The following BMP1 variants were observed in gnomAD, a reference collection of about 807,000 sequenced individuals.
The protein encoded by BMP1 is mammalian tolloid protein.
In BMP1, 63 loss-of-function variants were observed where a neutral mutation model predicts 116.8. The observed-to-expected ratio is 0.54, with a 90% CI of 0.44 to 0.67. The LOEUF (loss-of-function observed/expected upper bound fraction) is 0.67. BMP1 is among the 30% of genes least tolerant of loss of function. The pLI is 0.00. For synonymous variants in BMP1, 536 were observed against 533.4 expected (o/e 1.00, Z -0.07); for missense variants, 1,183 against 1,358.9 (o/e 0.87, Z 2.04).
chr8:22,189,433 T>TAC (rs10672713), intron 8 of BMP1, among the ~76,000 whole-genome samples: 11,575 of 140,724 alleles, frequency 0.082, 648 homozygotes, highest in African/African-American at 0.17. Flanking sequence ...TTGATGGAGA[T>TAC]ACACACACAC....
At chr8:22,200,523 CTG>C (rs558139774) in intron 15 of BMP1, among the ~76,000 whole-genome samples, 4 of 152,114 alleles carry the variant, frequency 2.6e-5, no homozygotes, top group Non-Finnish European at 4.4e-5. Flanking sequence ...ATGTGGTTGG[CTG>C]TGTCTGTATC....
chr8:22,177,795 A>G (rs1019471684), intron 5 of BMP1, 57 bp from the exon 6 acceptor site: 42 of 1,300,574 alleles, frequency 3.2e-5, no homozygotes, highest in Non-Finnish European at 4.6e-5. Context: ...TGAGCGTTGC[A>G]TCCCAGGCAG....
At chr8:22,193,266 A>T (rs1251395168) in intron 9 of BMP1, among the ~76,000 whole-genome samples, 1 of 152,214 alleles carries the variant, frequency 6.6e-6, no homozygotes, top group Non-Finnish European at 1.5e-5. Context: ...TCTGTGATTT[A>T]TTTAGGGTCC....
In BMP1 at chr8:22,189,433, TACACACACAC is replaced by T. The variant is rs10672713; in HGVS notation, c.1078-2596_1078-2587del. On this transcript the variant is annotated intron_variant, in intron 8 of 19. Coordinates refer to ENST00000306385, the MANE Select transcript of BMP1 (RefSeq NM_006129.5). ...CCCCTGAGGTCTCTATTGATGGAGATACACACACACACACACACACACACACACATATCTT... is the reference window on the plus strand; with the variant it reads ...CCCCTGAGGTCTCTATTGATGGAGATACACACACACACACACACATATCTT... Among the ~76,000 whole-genome samples the T allele has an allele frequency of 4.2e-5, 6 of 141,380 alleles. No homozygotes were observed. In the Admixed American group the frequency reaches 4.4e-4, roughly 10 times the overall value. 92.8% of individuals were successfully genotyped at this position (141,380 alleles called of 152,430 possible). A position where few individuals can be genotyped will look rare whatever the true frequency, so the allele number is the denominator to read the frequency against.
rs530872921 is a variant in BMP1, at chr8:22,180,166, A to C, written c.962-202A>C. On this transcript the variant is annotated intron_variant, in intron 7 of 19. Coordinates refer to ENST00000306385, the MANE Select transcript of BMP1 (RefSeq NM_006129.5). The stretch of plus-strand genomic sequence containing the variant: ...ATATTGCCTTCACAAACAGGGCAGC[A>C]CTGGGCTGGGAGGTAGGATGGCGTG... Among the ~76,000 whole-genome samples the C allele has an allele frequency of 1.8e-4, 27 of 152,148 alleles. No homozygotes were observed. The East Asian group carries it at 4.1e-3, about 23-fold the overall frequency.
intron 1 of BMP1, chr8:22,170,484 A>T (rs937968440): frequency 3.3e-5 from 5 of 152,258 alleles, no homozygotes; most frequent in African/African-American, 1.2e-4. Context: ...AGAAGAGTTT[A>T]CATGACTTGT....
intron 13 of BMP1, 53 bp downstream of exon 13, chr8:22,195,640 C>G: frequency 6.4e-7 from 1 of 1,569,182 alleles, no homozygotes. Flanking sequence ...CACCAGCCCA[C>G]CTGCCCAGAA....
chr8:22,194,999 G>A lies in BMP1; in HGVS notation c.1639+80G>A. On this transcript the variant is annotated intron_variant, in intron 12 of 19. Coordinates refer to ENST00000306385, the MANE Select transcript of BMP1 (RefSeq NM_006129.5). The surrounding 1 kb of genome is among the most constrained non-coding windows in gnomAD (Gnocchi z 4.5). ...TCTTCACTCACTCATTCAACACGGA[G>A]ACTCCAGGAGGCATATTGATACCAG... is the stretch of plus-strand genomic sequence containing the variant. 1.4e-6 allele frequency: 2 copies of A among 1,420,072 alleles called. No individual in the cohort carries two copies. The highest frequency in any genetic ancestry group is 4.2e-5 in the Admixed American group (2 of 47,556). The allele number at this position is 1,420,072 out of a possible 1,614,324, so 88.0% of individuals were successfully genotyped here.
chr8:22,206,164 C>T (rs958162502), intron 16 of BMP1, among the ~76,000 whole-genome samples: 1 of 151,682 alleles, frequency 6.6e-6, no homozygotes, highest in Admixed American at 6.6e-5. Flanking sequence ...GCCAGGAGTT[C>T]GAGACCAGCC....
rs572269089 is a variant in BMP1 at position 22,171,682 on chromosome 8, A to T, written c.149-1920A>T. On this transcript the variant is annotated intron_variant, in intron 1 of 19. Coordinates refer to ENST00000306385, the MANE Select transcript of BMP1 (RefSeq NM_006129.5). ...CACTGGGAATGGGGAGGCCTGAGTTATACGTCCAGTTTTCCAGTGACTAGC... is the reference window on the plus strand; with the variant it reads ...CACTGGGAATGGGGAGGCCTGAGTTTTACGTCCAGTTTTCCAGTGACTAGC... 3 of 152,274 alleles carry T rather than the reference A, an allele frequency of 2.0e-5. No homozygotes were observed. The East Asian group carries it at 5.8e-4, about 29-fold the overall frequency. 9.4% of individuals were successfully genotyped at this position (152,274 alleles called of 1,614,324 possible). A position where few individuals can be genotyped will look rare whatever the true frequency, so the allele number is the denominator to read the frequency against.
chr8:22,173,045 T>A lies in BMP1; in HGVS notation c.149-557T>A, dbSNP rs971336760. 2.0e-5 allele frequency among the ~76,000 whole-genome samples: 3 copies of A among 152,200 alleles called. No homozygotes were observed. The East Asian group carries it at 5.8e-4, about 29-fold the overall frequency. On this transcript the variant is annotated intron_variant, in intron 1 of 19. Coordinates refer to ENST00000306385, the MANE Select transcript of BMP1 (RefSeq NM_006129.5). Reference sequence around the variant, plus strand: ...TGCTATCTGGAAGACCCTAGGTCAGTATTTATTTACTTGCATATTATGGAA... The same window carrying A: ...TGCTATCTGGAAGACCCTAGGTCAGAATTTATTTACTTGCATATTATGGAA...
At position 22,194,461 on chromosome 8, in the gene BMP1, T is replaced by C. The variant is rs1253536539; in HGVS notation, c.1314T>C (p.Asp438=). 2 of 1,613,980 alleles carry C rather than the reference T, an allele frequency of 1.2e-6. No individual in the cohort carries two copies. The highest frequency in any genetic ancestry group is 1.7e-6 in the Non-Finnish European group (2 of 1,179,974). Residue 438 remains aspartate, a synonymous_variant, in exon 11 of 20, where the codon GAT becomes GAC. Transcript: ENST00000306385. This position sits in a 1 kb window ranked among gnomAD's most constrained non-coding sequence, Gnocchi z 4.5. Reference sequence around the variant, plus strand: ...TCCCCACAGCCATCTGCGGGGGTGATGTGAAAAAGGACTATGGCCACATTC... The same window carrying C: ...TCCCCACAGCCATCTGCGGGGGTGACGTGAAAAAGGACTATGGCCACATTC... ...FAVYEAICGG[D]VKKDYGHIQS...
At chr8:22,188,110 G>A (rs1828828068) in intron 8 of BMP1, among the ~76,000 whole-genome samples, 1 of 150,522 alleles carries the variant, frequency 6.6e-6, no homozygotes, top group Admixed American at 6.6e-5. Flanking sequence ...AGAAGACTCT[G>A]TACCCCATAT....
chr8:22,211,900 A>C lies in BMP1; in HGVS notation c.*172A>C, dbSNP rs772766491. 275 of 955,692 alleles carry C rather than the reference A, an allele frequency of 2.9e-4. No homozygotes were observed. Among genetic ancestry groups the C allele is most frequent in the Non-Finnish European group, 3.9e-4 (254 of 656,508 alleles). 59.2% of individuals were successfully genotyped at this position (955,692 alleles called of 1,614,324 possible). On this transcript the variant is annotated 3_prime_UTR_variant, in exon 20 of 20. Transcript: ENST00000306385. Reference sequence around the variant, plus strand: ...GGAGGTGGGGGAACTGGACTCCGGCATAAGCCACTTCCCCACAAACCCCCA... The same window carrying C: ...GGAGGTGGGGGAACTGGACTCCGGCCTAAGCCACTTCCCCACAAACCCCCA...
intron 18 of BMP1, among the ~76,000 whole-genome samples, 162 bp downstream of exon 18, chr8:22,207,678 G>T (rs555079701): frequency 2.6e-5 from 4 of 152,130 alleles, no homozygotes; most frequent in Non-Finnish European, 5.9e-5. Context: ...AACCAGGCCT[G>T]GGGGGCAGGG....
chr8:22,180,324 A>G, intron 7 of BMP1, 44 bp from the exon 8 acceptor site: 3 of 1,513,774 alleles, frequency 2.0e-6, no homozygotes, highest in Non-Finnish European at 2.8e-6. Flanking sequence ...AGATGGGGGG[A>G]TTTGGCGCCT....
intron 15 of BMP1, among the ~76,000 whole-genome samples, chr8:22,198,045 T>G (rs1026751447): frequency 6.6e-6 from 1 of 151,994 alleles, no homozygotes; most frequent in East Asian, 1.9e-4. Context: ...ATTAGCAGGG[T>G]GTAGTCGTGT....
chr8:22,206,989 G>A lies in BMP1; in HGVS notation c.2361+8G>A, dbSNP rs1279362834. 1.2e-6 allele frequency: 2 copies of A among 1,613,960 alleles called. No individual in the cohort carries two copies. The highest frequency in any genetic ancestry group is 1.7e-5 in the Admixed American group (1 of 60,010). ...GGGCACCGGGTCAAGCTGGTAAGGG[G>A]TCCCCTCCCCACTCCTTATGCGGTG... On this transcript the variant is annotated splice_region_variant and intron_variant, in intron 17 of 19. Transcript: ENST00000306385.
At chr8:22,190,942 A>G (rs1030267748) in intron 8 of BMP1, among the ~76,000 whole-genome samples, 1 of 152,012 alleles carries the variant, frequency 6.6e-6, no homozygotes, top group Non-Finnish European at 1.5e-5. Flanking sequence ...TGGAATCCCT[A>G]CTTGTTGGAA....
Sources: allele counts gnomAD v4.1 joint callset (sites outside exome capture counted in the v4.1 genomes callset), GRCh38; gene constraint gnomAD v4.1.1; non-coding constraint Gnocchi (gnomAD v3.1); transcripts MANE v1.5; gene names NCBI Gene and HGNC (gene_info 2026-07-23, HGNC 2026-07-21).